The following RANBP17 variants were observed in gnomAD, a reference collection of about 807,000 sequenced individuals.
RANBP17 encodes ran-binding protein 17.
In RANBP17, 158 loss-of-function variants were observed where a neutral mutation model predicts 141.2. That is an observed-to-expected ratio of 1.12 (90% CI 0.98 to 1.28). The LOEUF is 1.28. Among genes scored for constraint, RANBP17 ranks in the 50% most tolerant of loss-of-function variants. RANBP17 has a pLI of 0.00. For missense variants in RANBP17, 1,438 were observed against 1,290.7 expected, an observed-to-expected ratio of 1.11 and a Z score of -1.75; for synonymous variants, 430 against 450.0, an observed-to-expected ratio of 0.96 and a Z score of 0.56.
At chr5:171,118,601 G>A (rs886331038) in intron 14 of RANBP17, among the ~76,000 whole-genome samples, 1 of 151,934 alleles carries the variant, frequency 6.6e-6, no homozygotes, top group Non-Finnish European at 1.5e-5. Context: ...TCCTTGTAGA[G>A]GATTTTCAAC....
intron 13 of RANBP17, among the ~76,000 whole-genome samples, chr5:170,958,184 G>A (rs1561931140): frequency 6.6e-6 from 1 of 152,112 alleles, no homozygotes; most frequent in African/African-American, 2.4e-5. Flanking sequence ...TCTGTGTCTC[G>A]TTTCTTACTG....
Position 171,199,712 on chromosome 5 carries a change from C to G in RANBP17, c.2081C>G (p.Thr694Arg). The G allele has an allele frequency of 1.2e-6, 2 of 1,611,290 alleles. No individual in the cohort carries two copies. The highest frequency in any genetic ancestry group is 1.3e-5 in the African/African-American group (1 of 74,968). Residue 694 changes from threonine to arginine, a missense_variant, in exon 19 of 28, where the codon ACA becomes AGA. Coordinates refer to ENST00000523189, the MANE Select transcript of RANBP17 (RefSeq NM_022897.5). ...DEFENFMLPL[T>R]VAFETVLQIF... is the part of the protein sequence containing the mutation. ...TTTGAGAATTTCATGCTGCCTCTTA[C>G]AGTTGCTTTTGAAACAGTATTACAA...
chr5:171,115,218 A>G (rs1755531847), intron 14 of RANBP17, among the ~76,000 whole-genome samples: 1 of 152,186 alleles, frequency 6.6e-6, no homozygotes, highest in Non-Finnish European at 1.5e-5. Flanking sequence ...TTTGTTCTTG[A>G]TGAATGATGA....
chr5:170,982,532 T>C (rs1050792142), intron 14 of RANBP17, among the ~76,000 whole-genome samples: 3 of 152,144 alleles, frequency 2.0e-5, no homozygotes, highest in Non-Finnish European at 2.9e-5. Flanking sequence ...AAATTAAAAC[T>C]TAGTAGGTTT....
chr5:171,230,989 T>G (rs1382509101), intron 22 of RANBP17, among the ~76,000 whole-genome samples: 2 of 151,724 alleles, frequency 1.3e-5, no homozygotes, highest in Non-Finnish European at 2.9e-5. Context: ...CAGGCTGGAG[T>G]GCAGTGTCAT....
At chr5:171,182,536 C>T (rs1339688576) in intron 16 of RANBP17, among the ~76,000 whole-genome samples, 1 of 152,172 alleles carries the variant, frequency 6.6e-6, no homozygotes, top group Non-Finnish European at 1.5e-5. Context: ...GCTCCTGTTT[C>T]ATTATTTATG....
In RANBP17 at chr5:170,914,228, A is replaced by G. The variant is rs533317430; in HGVS notation, c.822A>G (p.Leu274=). The G allele has an allele frequency of 8.9e-5, 143 of 1,599,736 alleles. No individual in the cohort carries two copies. In the South Asian group the frequency reaches 1.3e-3, roughly 15 times the overall value. The change falls in exon 8 of 28, where the codon CTA becomes CTG. Residue 274 remains leucine, a synonymous_variant. Coordinates refer to ENST00000523189, the MANE Select transcript of RANBP17 (RefSeq NM_022897.5). ...FFNLYHSLPP[L]LSQLALSCLV... ...ATTTGTATCATTCACTTCCACCACT[A>G]CTATCTCAGTTAGTAAGTAAAAGTC... is the stretch of plus-strand genomic sequence containing the variant.
intron 14 of RANBP17, among the ~76,000 whole-genome samples, chr5:171,057,118 T>C (rs1783444224): frequency 6.6e-6 from 1 of 152,184 alleles, no homozygotes; most frequent in South Asian, 2.1e-4. Context: ...TTTACAGCTT[T>C]TGTGAAAGAG....
chr5:171,035,485 A>G (rs1428213619), intron 14 of RANBP17, among the ~76,000 whole-genome samples: 1 of 151,542 alleles, frequency 6.6e-6, no homozygotes, highest in East Asian at 1.9e-4. Context: ...AAGTATTTAA[A>G]TATGCTTGAA....
intron 24 of RANBP17, among the ~76,000 whole-genome samples, chr5:171,249,665 G>A (rs2128002356): frequency 6.6e-6 from 1 of 152,262 alleles, no homozygotes; most frequent in African/African-American, 2.4e-5. Context: ...TCAGGCAGAA[G>A]AAAGAATCTC....
intron 24 of RANBP17, among the ~76,000 whole-genome samples, chr5:171,246,145 TG>T (rs973091894): frequency 2.6e-5 from 4 of 152,210 alleles, no homozygotes; most frequent in Non-Finnish European, 4.4e-5. Flanking sequence ...CCTCCGAAAG[TG>T]CTGGGATTAC....
At chr5:171,249,264 C>T (rs1037616446) in intron 24 of RANBP17, among the ~76,000 whole-genome samples, 1 of 152,174 alleles carries the variant, frequency 6.6e-6, no homozygotes, top group Non-Finnish European at 1.5e-5. Flanking sequence ...ACCACAGATA[C>T]TTCTTCAGGA....
At chr5:171,030,368 A>T (rs1781479640) in intron 14 of RANBP17, among the ~76,000 whole-genome samples, 1 of 152,032 alleles carries the variant, frequency 6.6e-6, no homozygotes, top group South Asian at 2.1e-4. Context: ...TAGGACAACT[A>T]AGTTAGTATG....
chr5:170,879,662 C>G (rs923331761), intron 2 of RANBP17, among the ~76,000 whole-genome samples: 2 of 152,006 alleles, frequency 1.3e-5, no homozygotes, highest in African/African-American at 2.4e-5. Context: ...AAAGTAAGTT[C>G]CAAAGCCATT....
chr5:170,944,098 C>T lies in RANBP17; in HGVS notation c.1469-9499C>T, dbSNP rs140049887. On this transcript the variant is annotated intron_variant, in intron 12 of 27. Transcript: ENST00000523189. ...TTAAGGTTCTGCATATGAGTGAGAC[C>T]GTATAGTATTTTTCTTTCTGTTAGT... Among the ~76,000 whole-genome samples, 990 of 152,040 alleles carry T rather than the reference C, an allele frequency of 6.5e-3. 8 individuals are homozygous for T. The highest frequency in any genetic ancestry group is 0.01 in the Non-Finnish European group (685 of 67,984).
intron 14 of RANBP17, among the ~76,000 whole-genome samples, chr5:171,000,010 G>T (rs1295595380): frequency 6.6e-6 from 1 of 152,124 alleles, no homozygotes; most frequent in Non-Finnish European, 1.5e-5. Flanking sequence ...GTGTGCTTGT[G>T]ACTGGCTTAT....
intron 13 of RANBP17, among the ~76,000 whole-genome samples, chr5:170,960,574 G>A (rs138998786): frequency 6.6e-6 from 1 of 152,006 alleles, no homozygotes; most frequent in East Asian, 1.9e-4. Flanking sequence ...CTATCTTTTA[G>A]TTACCTCAGT....
intron 12 of RANBP17, among the ~76,000 whole-genome samples, chr5:170,943,860 C>A (rs995233508): frequency 3.3e-5 from 5 of 152,068 alleles, no homozygotes; most frequent in African/African-American, 1.2e-4. Context: ...CCATAGTTAC[C>A]ATTTTTAAAA....
chr5:171,296,471 G>A (rs1384895351), intron 27 of RANBP17, among the ~76,000 whole-genome samples: 1 of 152,142 alleles, frequency 6.6e-6, no homozygotes, highest in Non-Finnish European at 1.5e-5. Flanking sequence ...CTAAAAGAGA[G>A]GATTTGAAAT....
Sources: gnomAD v4.1 joint callset for allele counts (sites outside exome capture counted in the v4.1 genomes callset) on GRCh38, gnomAD v4.1.1 for gene constraint, MANE v1.5 for transcripts, NCBI Gene and HGNC (gene_info 2026-07-23, HGNC 2026-07-21) for gene names.